The following CSMD1 variants were observed in gnomAD, a reference collection of about 807,000 sequenced individuals.
CSMD1 encodes the protein CUB and sushi domain-containing protein 1.
Under a neutral mutation model 417.5 loss-of-function variants are expected in CSMD1, and 213 were observed. The ratio of observed to expected loss-of-function variants is 0.51; its 90% CI spans 0.46 to 0.57. The LOEUF (loss-of-function observed/expected upper bound fraction) is 0.57, where lower values mean the gene tolerates loss of function less well. Ranked by LOEUF, CSMD1 falls within the 20% of genes least tolerant of loss-of-function variation. The pLI, the probability that CSMD1 is intolerant of heterozygous loss-of-function variation, is 0.00. For missense variants in CSMD1, 6,923 were observed against 4,529.7 expected (o/e 1.53, Z -15.17); for synonymous variants, 2,862 against 1,736.8 (o/e 1.65, Z -16.11).
intron 26 of CSMD1, among the ~76,000 whole-genome samples, chr8:3,270,463 A>T (rs1289116264): frequency 1.3e-5 from 2 of 152,222 alleles, no homozygotes; most frequent in Non-Finnish European, 2.9e-5. Flanking sequence ...TAGATTAAAA[A>T]CTATGGTTAC....
chr8:3,298,582 T>C (rs977516374), intron 25 of CSMD1, among the ~76,000 whole-genome samples: 10 of 152,088 alleles, frequency 6.6e-5, no homozygotes, highest in African/African-American at 2.4e-4. Context: ...GCCTCCCGAG[T>C]AGCTGGGATT....
chr8:3,645,712 C>T (rs1258145138), intron 7 of CSMD1, among the ~76,000 whole-genome samples: 2 of 152,036 alleles, frequency 1.3e-5, no homozygotes, highest in African/African-American at 2.4e-5. Flanking sequence ...CTTGGCTCTG[C>T]AAGGAACATG....
intron 3 of CSMD1, among the ~76,000 whole-genome samples, chr8:4,090,188 G>C (rs1012560388): frequency 6.6e-6 from 1 of 152,084 alleles, no homozygotes; most frequent in Non-Finnish European, 1.5e-5. Context: ...CTCCACTTTT[G>C]ACTACAGTAC....
intron 46 of CSMD1, among the ~76,000 whole-genome samples, chr8:3,098,922 G>T (rs147803753): frequency 1.6e-3 from 236 of 151,706 alleles, no homozygotes; most frequent in African/African-American, 5.5e-3. Context: ...CACTATGTGG[G>T]CAGAAACTGT....
At chr8:4,687,620 G>C (rs991303133) in intron 1 of CSMD1, among the ~76,000 whole-genome samples, 1 of 152,160 alleles carries the variant, frequency 6.6e-6, no homozygotes, top group Non-Finnish European at 1.5e-5. Flanking sequence ...TTTTCCCGGT[G>C]AATTATGAAG....
chr8:3,831,059 A>G (rs1381247592), intron 5 of CSMD1, among the ~76,000 whole-genome samples: 1 of 152,154 alleles, frequency 6.6e-6, no homozygotes, highest in Non-Finnish European at 1.5e-5. Flanking sequence ...TGGGTGTTGG[A>G]AATGTCCAGA....
At chr8:4,587,983 C>G (rs1799788346) in intron 2 of CSMD1, among the ~76,000 whole-genome samples, 1 of 152,148 alleles carries the variant, frequency 6.6e-6, no homozygotes, top group Non-Finnish European at 1.5e-5. Flanking sequence ...CATCAACTAG[C>G]TACTTTCCTG....
rs1017877722 is a variant in CSMD1, at chr8:3,590,230, G to A, written c.1098-3970C>T. Among the ~76,000 whole-genome samples the A allele has an allele frequency of 3.6e-4, 55 of 151,956 alleles. 1 individual carries two copies. The highest frequency in any genetic ancestry group is 4.7e-4 in the Non-Finnish European group (32 of 67,940). ...AGATAGGCACAACCCATTTTTGAGC[G>A]GTAGTATCACAAGTATCACAATACA... On this transcript the variant is annotated intron_variant, in intron 8 of 69. Transcript: ENST00000635120.
At chr8:3,344,939 T>C (rs1008842828) in intron 22 of CSMD1, among the ~76,000 whole-genome samples, 1 of 152,206 alleles carries the variant, frequency 6.6e-6, no homozygotes, top group African/African-American at 2.4e-5. Context: ...AAAACCATTA[T>C]TTGGTTTATT....
At chr8:3,338,208 G>A (rs139714698) in intron 23 of CSMD1, among the ~76,000 whole-genome samples, 1 of 152,172 alleles carries the variant, frequency 6.6e-6, no homozygotes, top group African/African-American at 2.4e-5. Context: ...AACCACACGT[G>A]TATGCCTGTC....
chr8:3,954,620 C>G (rs892127407), intron 5 of CSMD1, among the ~76,000 whole-genome samples: 1 of 152,234 alleles, frequency 6.6e-6, no homozygotes, highest in African/African-American at 2.4e-5. Flanking sequence ...CCTTGGCCTC[C>G]CAAAGTTTTG....
chr8:3,988,532 T>A (rs1222428413), intron 5 of CSMD1, among the ~76,000 whole-genome samples: 1 of 152,162 alleles, frequency 6.6e-6, no homozygotes, highest in Non-Finnish European at 1.5e-5. Flanking sequence ...AAACAGAGAA[T>A]CTCTGGACTC....
intron 1 of CSMD1, among the ~76,000 whole-genome samples, chr8:4,971,799 T>G (rs762833742): frequency 1.3e-5 from 2 of 151,954 alleles, no homozygotes; most frequent in Non-Finnish European, 2.9e-5. Flanking sequence ...TTATTATAAG[T>G]AGAAATATAG....
chr8:3,428,196 G>A (rs1314137811), intron 12 of CSMD1, among the ~76,000 whole-genome samples: 1 of 152,096 alleles, frequency 6.6e-6, no homozygotes, highest in Non-Finnish European at 1.5e-5. Context: ...AAAGTGATAT[G>A]TGAGCTACGT....
At chr8:4,645,306 G>T (rs1264434599) in intron 1 of CSMD1, among the ~76,000 whole-genome samples, 1 of 151,904 alleles carries the variant, frequency 6.6e-6, no homozygotes, top group Non-Finnish European at 1.5e-5. Context: ...TTGCCCCCAG[G>T]GGAGGCAGCT....
chr8:4,395,646 G>GT (rs927247117), intron 3 of CSMD1, among the ~76,000 whole-genome samples: 8 of 151,536 alleles, frequency 5.3e-5, no homozygotes, highest in African/African-American at 2.0e-4. Flanking sequence ...CTATCTAAAT[G>GT]TTTTGATAAG....
chr8:4,703,547 G>C (rs946407225), intron 1 of CSMD1, among the ~76,000 whole-genome samples: 1 of 152,010 alleles, frequency 6.6e-6, no homozygotes, highest in Non-Finnish European at 1.5e-5. Flanking sequence ...ATTTTGCAAG[G>C]AATTAGATAT....
chr8:3,311,433 A>T (rs1805337810), intron 23 of CSMD1, among the ~76,000 whole-genome samples: 1 of 151,610 alleles, frequency 6.6e-6, no homozygotes, highest in Admixed American at 6.6e-5. Flanking sequence ...TATTTTTAGT[A>T]GAGTCAGGGT....
chr8:3,846,656 TTTAA>T (rs1485637106), intron 5 of CSMD1, among the ~76,000 whole-genome samples: 6 of 152,294 alleles, frequency 3.9e-5, no homozygotes, highest in Non-Finnish European at 8.8e-5. Flanking sequence ...TAAGGATTTA[TTTAA>T]TTATTTATTT....
Sources: gnomAD v4.1 joint callset for allele counts (sites outside exome capture counted in the v4.1 genomes callset) on GRCh38, gnomAD v4.1.1 for gene constraint, MANE v1.5 for transcripts, NCBI Gene and HGNC (gene_info 2026-07-23, HGNC 2026-07-21) for gene names.